AMPH: variants seen among roughly 807,000 people sequenced by gnomAD.
The protein encoded by AMPH is amphiphysin (Stiff-Mann syndrome with breast cancer 128kD autoantigen).
In AMPH, 49 loss-of-function variants were observed where a neutral mutation model predicts 99.1. That is an observed-to-expected ratio of 0.49 (90% CI 0.39 to 0.63). AMPH has a LOEUF of 0.63. AMPH is among the 20% of genes least tolerant of loss of function. AMPH has a pLI of 0.00. For missense variants in AMPH, 759 were observed against 863.4 expected, an observed-to-expected ratio of 0.88 and a Z score of 1.52; for synonymous variants, 314 against 317.3, an observed-to-expected ratio of 0.99 and a Z score of 0.11.
At chr7:38,438,050 T>A (rs936916022) in intron 11 of AMPH, among the ~76,000 whole-genome samples, 1 of 152,218 alleles carries the variant, frequency 6.6e-6, no homozygotes, top group Admixed American at 6.5e-5. Context: ...ACCGATTCCC[T>A]ATTCAAAATC....
intron 16 of AMPH, chr7:38,420,946 G>A (rs1019287): frequency 0.71 from 323,244 of 456,254 alleles, 115,384 homozygotes; most frequent in East Asian, 0.93. Flanking sequence ...AAACACTGGG[G>A]CGTTTTCTTG....
intron 1 of AMPH, among the ~76,000 whole-genome samples, chr7:38,547,372 G>C (rs10499602): frequency 1.3e-5 from 2 of 152,108 alleles, no homozygotes; most frequent in South Asian, 4.1e-4. Context: ...ATCACTGTGC[G>C]TTACGGTGTA....
chr7:38,529,202 A>G (rs1297620711), intron 2 of AMPH, among the ~76,000 whole-genome samples: 1 of 152,234 alleles, frequency 6.6e-6, no homozygotes, highest in Non-Finnish European at 1.5e-5. Flanking sequence ...ATCTATGCAG[A>G]TCACAGATAA....
chr7:38,408,558 G>A (rs1277093874), intron 17 of AMPH, among the ~76,000 whole-genome samples: 1 of 152,008 alleles, frequency 6.6e-6, no homozygotes, highest in Non-Finnish European at 1.5e-5. Flanking sequence ...TCAGGAGATT[G>A]AGACCATCCT....
At chr7:38,416,107 A>ATATATATATATATATATATATATATATAT (rs1302811606) in intron 17 of AMPH, among the ~76,000 whole-genome samples, 2 of 126,888 alleles carry the variant, frequency 1.6e-5, no homozygotes, top group Admixed American at 7.7e-5. Flanking sequence ...ATATGAATAT[A>ATATATATATATATATATATATATATATAT]TATATATATA....
At chr7:38,558,212 T>C (rs907516095) in intron 1 of AMPH, among the ~76,000 whole-genome samples, 2 of 152,166 alleles carry the variant, frequency 1.3e-5, no homozygotes, top group African/African-American at 2.4e-5. Context: ...AGAAAGTCCA[T>C]CTAATCAAGA....
intron 1 of AMPH, among the ~76,000 whole-genome samples, chr7:38,612,293 C>CTTG (rs1793715401): frequency 6.6e-6 from 1 of 151,942 alleles, no homozygotes. Flanking sequence ...TCAGGCTGGT[C>CTTG]TTGAACTCCT....
In AMPH at chr7:38,564,851, G is replaced by A. The variant is rs142600320; in HGVS notation, c.70-29840C>T. On this transcript the variant is annotated intron_variant, in intron 1 of 20. Transcript: ENST00000356264. Reference sequence around the variant, plus strand: ...ATAAAAAGAAAAGAACCGGCCGGGCGCAGTGGCTCACACCTGTAATCCCAG... The same window carrying A: ...ATAAAAAGAAAAGAACCGGCCGGGCACAGTGGCTCACACCTGTAATCCCAG... 4.1e-3 allele frequency among the ~76,000 whole-genome samples: 629 copies of A among 152,254 alleles called. 11 individuals carry two copies. Among genetic ancestry groups the A allele is most frequent in the African/African-American group, 0.014 (585 of 41,546 alleles).
chr7:38,631,050 G>T (rs1472414566), intron 1 of AMPH, among the ~76,000 whole-genome samples: 2 of 152,128 alleles, frequency 1.3e-5, no homozygotes, highest in Non-Finnish European at 2.9e-5. Context: ...TCCGGGGCCA[G>T]GGTCTGCGGG....
chr7:38,472,567 G>A (rs1787924107), intron 7 of AMPH, among the ~76,000 whole-genome samples: 1 of 152,160 alleles, frequency 6.6e-6, no homozygotes, highest in Non-Finnish European at 1.5e-5. Context: ...ATGACAGCTA[G>A]CAAATAGAAA....
chr7:38,391,622 G>T (rs1784496253), intron 19 of AMPH, 126 bp downstream of exon 19: 1 of 916,116 alleles, frequency 1.1e-6, no homozygotes, highest in Non-Finnish European at 1.6e-6. Flanking sequence ...ATGTTGTGGT[G>T]AAGGGAAAGC....
chr7:38,591,264 C>CTTTCT (rs1453875440), intron 1 of AMPH, among the ~76,000 whole-genome samples: 3 of 149,858 alleles, frequency 2.0e-5, no homozygotes, highest in Non-Finnish European at 4.4e-5. Flanking sequence ...CCAATGCCTC[C>CTTTCT]TTTCTTTTCT....
chr7:38,579,433 A>T (rs1248366434), intron 1 of AMPH, among the ~76,000 whole-genome samples: 4 of 152,230 alleles, frequency 2.6e-5, no homozygotes, highest in Admixed American at 2.6e-4. Flanking sequence ...TATGGGTGAC[A>T]AACCAATCAA....
At chr7:38,546,086 T>C (rs1282626870) in intron 1 of AMPH, among the ~76,000 whole-genome samples, 1 of 152,158 alleles carries the variant, frequency 6.6e-6, no homozygotes, top group Non-Finnish European at 1.5e-5. Context: ...TTTCTAAAGA[T>C]TGCTCAAGAA....
At chr7:38,562,774 T>G (rs1209707152) in intron 1 of AMPH, among the ~76,000 whole-genome samples, 4 of 152,206 alleles carry the variant, frequency 2.6e-5, no homozygotes, top group Non-Finnish European at 4.4e-5. Flanking sequence ...TTAAGAATAT[T>G]GCAGCTAAAG....
intron 17 of AMPH, among the ~76,000 whole-genome samples, chr7:38,417,505 T>A (rs1785423562): frequency 6.6e-6 from 1 of 152,158 alleles, no homozygotes; most frequent in African/African-American, 2.4e-5. Context: ...AGTTCCCTAA[T>A]AAAGGCACGT....
At chr7:38,501,939 T>C (rs1457403137) in intron 3 of AMPH, among the ~76,000 whole-genome samples, 1 of 152,114 alleles carries the variant, frequency 6.6e-6, no homozygotes, top group Non-Finnish European at 1.5e-5. Context: ...GGAGGAAAAA[T>C]GATAAAATCT....
intron 1 of AMPH, among the ~76,000 whole-genome samples, chr7:38,610,630 G>C (rs1048753469): frequency 6.6e-6 from 1 of 151,916 alleles, no homozygotes; most frequent in Admixed American, 6.6e-5. Context: ...TATCCTTTAA[G>C]TTAAGTGTTT....
chr7:38,485,505 A>C (rs1194479019), intron 5 of AMPH, among the ~76,000 whole-genome samples: 2 of 151,954 alleles, frequency 1.3e-5, no homozygotes, highest in African/African-American at 4.8e-5. Context: ...ATATAATAAT[A>C]ATACAAAACC....
Sources: allele counts gnomAD v4.1 joint callset (sites outside exome capture counted in the v4.1 genomes callset), GRCh38; gene constraint gnomAD v4.1.1; transcripts MANE v1.5; gene names NCBI Gene and HGNC (gene_info 2026-07-23, HGNC 2026-07-21).